PTCHD4: variants seen among roughly 807,000 people sequenced by gnomAD.
The protein encoded by PTCHD4 is patched domain-containing protein 4.
PTCHD4 carries 33 observed loss-of-function variants against 58.1 expected under a neutral mutation model. That is an observed-to-expected ratio of 0.57 (90% confidence interval 0.43 to 0.76). The LOEUF is 0.76. Ranked by LOEUF, PTCHD4 falls within the 30% of genes least tolerant of loss-of-function variation. The pLI is 0.00. For synonymous variants in PTCHD4, 478 were observed against 409.6 expected, an observed-to-expected ratio of 1.17 and a Z score of -2.02; for missense variants, 1,058 against 1,027.1, an observed-to-expected ratio of 1.03 and a Z score of -0.41.
At chr6:47,919,043 G>C (rs1168745857) in intron 4 of PTCHD4, among the ~76,000 whole-genome samples, 1 of 152,098 alleles carries the variant, frequency 6.6e-6, no homozygotes, top group Non-Finnish European at 1.5e-5. Flanking sequence ...TGGGAGTTTG[G>C]CTCTGTGAAG....
rs1763462156 is a variant in PTCHD4, at chr6:47,862,771, A to G, written c.*15532T>C. 6.6e-6 allele frequency among the ~76,000 whole-genome samples: 1 copy of G among 151,880 alleles called. No individual in the cohort carries two copies. The highest frequency in any genetic ancestry group is 6.6e-5 in the Admixed American group (1 of 15,214). The stretch of plus-strand genomic sequence containing the variant: ...GAACTGATTTCCACACAGACCCATT[A>G]ATACTGTTTCCTTTGGAATTGTAAT... On this transcript the variant is annotated 3_prime_UTR_variant, in exon 5 of 5. Coordinates refer to ENST00000339488, the MANE Select transcript of PTCHD4 (RefSeq NM_001384253.1).
chr6:47,871,118 C>G lies in PTCHD4; in HGVS notation c.*7185G>C, dbSNP rs546479295. Among the ~76,000 whole-genome samples the G allele has an allele frequency of 1.8e-3, 266 of 151,666 alleles. No individual in the cohort carries two copies. Among genetic ancestry groups the G allele is most frequent in the African/African-American group, 5.1e-3 (211 of 41,472 alleles). Reference sequence around the variant, plus strand: ...TAGGAAAGAAAATAAAAATGCTCAACTTTTACTCTCATTTCTACAATTTGT... The same window carrying G: ...TAGGAAAGAAAATAAAAATGCTCAAGTTTTACTCTCATTTCTACAATTTGT... On this transcript the variant is annotated 3_prime_UTR_variant, in exon 5 of 5. Transcript: ENST00000339488.
chr6:48,060,753 G>T (rs552435319), intron 3 of PTCHD4, among the ~76,000 whole-genome samples: 43 of 152,310 alleles, frequency 2.8e-4, no homozygotes, highest in African/African-American at 1.0e-3. Context: ...GGGATTGCAG[G>T]CGTGAGCCAC....
chr6:47,914,586 A>G (rs1765172611), intron 4 of PTCHD4, among the ~76,000 whole-genome samples: 1 of 151,572 alleles, frequency 6.6e-6, no homozygotes. Context: ...GGATCATGTG[A>G]GTTCTTTATA....
intron 4 of PTCHD4, among the ~76,000 whole-genome samples, chr6:47,921,955 A>AG (rs1561958590): frequency 2.7e-5 from 4 of 149,290 alleles, no homozygotes; most frequent in African/African-American, 9.8e-5. Context: ...TAAAAAAAAA[A>AG]AAAAAGAAAA....
At chr6:47,989,556 G>T (rs1283116611) in intron 4 of PTCHD4, among the ~76,000 whole-genome samples, 1 of 152,178 alleles carries the variant, frequency 6.6e-6, no homozygotes, top group Non-Finnish European at 1.5e-5. Flanking sequence ...AGCCACTCCA[G>T]CTGTGACTAA....
intron 4 of PTCHD4, among the ~76,000 whole-genome samples, chr6:47,985,522 A>G (rs1768033119): frequency 6.6e-6 from 1 of 152,134 alleles, no homozygotes; most frequent in Admixed American, 6.5e-5. Context: ...AGAACAATTT[A>G]TGATATAACT....
chr6:47,999,431 C>T (rs1451447815), intron 4 of PTCHD4, among the ~76,000 whole-genome samples: 1 of 152,168 alleles, frequency 6.6e-6, no homozygotes, highest in Non-Finnish European at 1.5e-5. Context: ...CTTTCTCTTA[C>T]AGCAATGGAA....
At chr6:47,950,990 G>T (rs553995730) in intron 4 of PTCHD4, among the ~76,000 whole-genome samples, 1 of 152,154 alleles carries the variant, frequency 6.6e-6, no homozygotes, top group Non-Finnish European at 1.5e-5. Context: ...AATGTTGGTG[G>T]AGTGAGATGA....
chr6:48,107,297 C>T (rs530542782), intron 1 of PTCHD4, among the ~76,000 whole-genome samples: 2 of 152,218 alleles, frequency 1.3e-5, no homozygotes, highest in South Asian at 4.1e-4. Context: ...AATAATGCTG[C>T]ATATCTACAA....
chr6:47,905,498 G>C (rs1367765453), intron 4 of PTCHD4, among the ~76,000 whole-genome samples: 3 of 152,174 alleles, frequency 2.0e-5, no homozygotes, highest in Non-Finnish European at 4.4e-5. Flanking sequence ...AGCTGTCTGT[G>C]CTTTCAATAA....
chr6:47,987,940 C>T (rs975311362), intron 4 of PTCHD4, among the ~76,000 whole-genome samples: 3 of 152,070 alleles, frequency 2.0e-5, no homozygotes, highest in African/African-American at 4.8e-5. Flanking sequence ...CGTACCCTGA[C>T]TAATTTTTGT....
intron 3 of PTCHD4, 124 bp from the exon 4 acceptor site, chr6:48,009,238 G>C (rs1304870035): frequency 9.8e-7 from 1 of 1,020,922 alleles, no homozygotes; most frequent in East Asian, 2.6e-5. Context: ...AACTGATGTG[G>C]GTGGAGAGGC....
In PTCHD4 at chr6:48,069,325, T is replaced by C. The variant is rs1400605252; in HGVS notation, c.-368A>G. On this transcript the variant is annotated 5_prime_UTR_variant, in exon 2 of 5. The change abolishes an upstream ATG in the 5' untranslated region. Coordinates refer to ENST00000339488, the MANE Select transcript of PTCHD4 (RefSeq NM_001384253.1). ...AAATGGTGAAGGTGCTGCTGGCCCA[T>C]TGGAGCAAGGGCAATTAGAGCCCAA... 2.0e-5 allele frequency among the ~76,000 whole-genome samples: 3 copies of C among 152,072 alleles called. No homozygotes were observed. Among genetic ancestry groups the C allele is most frequent in the African/African-American group, 7.2e-5 (3 of 41,412 alleles).
At chr6:47,935,246 G>A (rs1258398533) in intron 4 of PTCHD4, among the ~76,000 whole-genome samples, 1 of 152,114 alleles carries the variant, frequency 6.6e-6, no homozygotes, top group Non-Finnish European at 1.5e-5. Flanking sequence ...TAAACTATAA[G>A]ATCAATTGGG....
At chr6:48,003,922 T>G (rs1768841910) in intron 4 of PTCHD4, among the ~76,000 whole-genome samples, 1 of 152,230 alleles carries the variant, frequency 6.6e-6, no homozygotes, top group South Asian at 2.1e-4. Context: ...TTCGTTTAGC[T>G]CTCTGCTTCA....
chr6:47,883,217 A>T (rs1198047008), intron 4 of PTCHD4, among the ~76,000 whole-genome samples: 1 of 152,068 alleles, frequency 6.6e-6, no homozygotes, highest in Admixed American at 6.6e-5. Flanking sequence ...TTTTTCAACA[A>T]CTGTCCAGAA....
At chr6:47,889,903 C>G in intron 4 of PTCHD4, among the ~76,000 whole-genome samples, 1 of 152,038 alleles carries the variant, frequency 6.6e-6, no homozygotes, top group South Asian at 2.1e-4. Flanking sequence ...AAACTACCAT[C>G]AGAGTGAACA....
chr6:48,070,308 A>T (rs551900817), intron 1 of PTCHD4, among the ~76,000 whole-genome samples: 68 of 152,262 alleles, frequency 4.5e-4, no homozygotes, highest in African/African-American at 1.6e-3. Flanking sequence ...ATAACAGTGA[A>T]AGTGCCCATT....
Sources: gnomAD v4.1 joint callset for allele counts (sites outside exome capture counted in the v4.1 genomes callset) on GRCh38, gnomAD v4.1.1 for gene constraint, MANE v1.5 for transcripts, NCBI Gene and HGNC (gene_info 2026-07-23, HGNC 2026-07-21) for gene names.